FAAH2: variants seen among roughly 807,000 people sequenced by gnomAD.
FAAH2 encodes the protein fatty-acid amide hydrolase 2.
FAAH2 carries 60 observed loss-of-function variants against 36.9 expected under a neutral mutation model. The observed-to-expected ratio is 1.63, with a 90% CI of 1.32 to 2.02. FAAH2 has a LOEUF of 2.02. Among genes scored for constraint, FAAH2 ranks in the 30% most tolerant of loss-of-function variants. The probability of loss-of-function intolerance (pLI) is 0.00; values close to 1 mark genes in which losing one functional copy is unlikely to be tolerated. For synonymous variants in FAAH2, 214 were observed against 143.8 expected (o/e 1.49, Z -3.49); for missense variants, 689 against 397.5 (o/e 1.73, Z -6.23).
rs1299111021 is a variant in FAAH2 at position 57,289,175 on chromosome X, A to G, written c.192+2158A>G. ...TTAGAGCTTTCTAATAGCTTGTCCAATGCCACACAGCTAGAAAGTGGTAGA... is the reference window on the plus strand; with the variant it reads ...TTAGAGCTTTCTAATAGCTTGTCCAGTGCCACACAGCTAGAAAGTGGTAGA... On this transcript the variant is annotated intron_variant, in intron 1 of 10. Transcript: ENST00000374900. Among the ~76,000 whole-genome samples the G allele has an allele frequency of 6.2e-5, 7 of 112,100 alleles. No homozygotes were observed. In the East Asian group the frequency reaches 1.7e-3, roughly 27 times the overall value.
At chrX:57,159,517 G>C in the FAAH2 span, among the ~76,000 whole-genome samples, 1 of 110,284 alleles carries the variant, frequency 9.1e-6, no homozygotes, top group Non-Finnish European at 1.9e-5. Context: ...TTATTTCATT[G>C]AGCAGTGGTT....
intron 2 of FAAH2, among the ~76,000 whole-genome samples, chrX:57,296,585 G>A (rs1388476523): frequency 8.9e-6 from 1 of 112,108 alleles, no homozygotes; most frequent in Non-Finnish European, 1.9e-5. Context: ...AATCAGCAAT[G>A]CAACAAAGCT....
At chrX:57,488,285 C>T (rs1004558346) in intron 10 of FAAH2, among the ~76,000 whole-genome samples, 12 of 111,536 alleles carry the variant, frequency 1.1e-4, no homozygotes, top group African/African-American at 3.9e-4. Context: ...AATCACAACT[C>T]TAGATTAGTG....
chrX:57,309,089 T>C (rs1347319586), intron 2 of FAAH2, among the ~76,000 whole-genome samples: 1 of 112,143 alleles, frequency 8.9e-6, no homozygotes, highest in Non-Finnish European at 1.9e-5. Context: ...ATGTAAAGGA[T>C]TTTAAATTTC....
the FAAH2 span, among the ~76,000 whole-genome samples, chrX:57,249,343 C>A: frequency 1.8e-5 from 2 of 111,886 alleles, no homozygotes; most frequent in Middle Eastern, 9.1e-3. Context: ...ACCATTAAGA[C>A]CTTGCCTGGG....
the FAAH2 span, among the ~76,000 whole-genome samples, chrX:57,178,501 G>A: frequency 9.0e-6 from 1 of 110,847 alleles, no homozygotes; most frequent in Admixed American, 9.6e-5. Context: ...GGTGGATAAG[G>A]CCATGGAGCT....
intron 7 of FAAH2, among the ~76,000 whole-genome samples, chrX:57,402,629 A>G (rs779145385): frequency 8.9e-6 from 1 of 112,097 alleles, no homozygotes; most frequent in East Asian, 2.8e-4. Context: ...ACAGAGAGGT[A>G]TGCTTCCTCA....
intron 7 of FAAH2, chrX:57,393,500 A>G: frequency 1.0e-6 from 1 of 969,782 alleles, no homozygotes; most frequent in Non-Finnish European, 1.5e-6. Flanking sequence ...GTCTGCAATG[A>G]TAGAGGAATT....
intron 10 of FAAH2, among the ~76,000 whole-genome samples, chrX:57,475,414 C>A (rs2147260468): frequency 8.9e-6 from 1 of 111,927 alleles, no homozygotes; most frequent in Admixed American, 9.5e-5. Context: ...CTGCATATGG[C>A]TAGCCAGTTT....
chrX:57,167,777 C>A, the FAAH2 span, among the ~76,000 whole-genome samples: 2 of 111,186 alleles, frequency 1.8e-5, no homozygotes. Flanking sequence ...AAAATATATA[C>A]TAGGTATTGT....
Position 57,452,250 on chromosome X carries a change from C to T in FAAH2, c.1423+3532C>T, listed in dbSNP as rs755890124. On this transcript the variant is annotated intron_variant, in intron 10 of 10. Transcript: ENST00000374900. Reference sequence around the variant, plus strand: ...TGATATTGGTGCCAGGAATGCTAAGCAGATCTTTTGTGACCTCTTCAGCAT... The same window carrying T: ...TGATATTGGTGCCAGGAATGCTAAGTAGATCTTTTGTGACCTCTTCAGCAT... 2.4e-5 allele frequency: 18 copies of T among 753,041 alleles called. No homozygotes were observed. In the South Asian group the frequency reaches 1.0e-3, roughly 43 times the overall value. The allele number at this position is 753,041 out of a possible 1,213,427, so 62.1% of individuals were successfully genotyped here. A position where few individuals can be genotyped will look rare whatever the true frequency, so the allele number is the denominator to read the frequency against.
intron 7 of FAAH2, chrX:57,392,918 G>A: frequency 1.2e-6 from 1 of 867,703 alleles, no homozygotes; most frequent in East Asian, 3.1e-5. Flanking sequence ...GTTGAGCTTT[G>A]AGGAGTAATT....
chrX:57,225,272 G>C, the FAAH2 span, among the ~76,000 whole-genome samples: 17 of 110,974 alleles, frequency 1.5e-4, no homozygotes, highest in Admixed American at 1.5e-3. Flanking sequence ...TGTTGTAGGT[G>C]TTTAGGGCTA....
intron 8 of FAAH2, among the ~76,000 whole-genome samples, chrX:57,432,510 A>G (rs1246917193): frequency 9.0e-6 from 1 of 111,653 alleles, no homozygotes; most frequent in East Asian, 2.8e-4. Context: ...GAGATGTTTT[A>G]AAAATACATG....
At chrX:57,474,473 C>T (rs1321154318) in intron 10 of FAAH2, among the ~76,000 whole-genome samples, 1 of 110,922 alleles carries the variant, frequency 9.0e-6, no homozygotes, top group Non-Finnish European at 1.9e-5. Flanking sequence ...GTTTTATGTT[C>T]CTGTGTTAGT....
the FAAH2 span, among the ~76,000 whole-genome samples, chrX:57,272,955 GAC>G: frequency 2.7e-5 from 3 of 111,915 alleles, no homozygotes; most frequent in Non-Finnish European, 5.6e-5. Context: ...CCAATTAAAA[GAC>G]ACAGACTGGC....
chrX:57,377,359 C>A (rs1467570955), intron 5 of FAAH2, among the ~76,000 whole-genome samples: 1 of 112,400 alleles, frequency 8.9e-6, no homozygotes, highest in Non-Finnish European at 1.9e-5. Flanking sequence ...CAGTTTTCCA[C>A]ATATGGCTAG....
At chrX:57,273,451 AAT>A in the FAAH2 span, among the ~76,000 whole-genome samples, 9 of 111,702 alleles carry the variant, frequency 8.1e-5, no homozygotes, top group African/African-American at 2.9e-4. Flanking sequence ...AAATCAACAG[AAT>A]ATATATTCCT....
the FAAH2 span, among the ~76,000 whole-genome samples, chrX:57,218,332 G>C: frequency 1.4e-4 from 16 of 111,649 alleles, no homozygotes; most frequent in Non-Finnish European, 1.1e-4. Context: ...TGTTGACTCT[G>C]GGTTTGTCAT....
Sources: allele counts gnomAD v4.1 joint callset (sites outside exome capture counted in the v4.1 genomes callset), GRCh38; gene constraint gnomAD v4.1.1; transcripts MANE v1.5; gene names NCBI Gene and HGNC (gene_info 2026-07-23, HGNC 2026-07-21).